Variants in STK32B observed in about 807,000 individuals in gnomAD.
The protein encoded by STK32B is serine/threonine-protein kinase 32B.
STK32B carries 43 observed loss-of-function variants against 52.6 expected under a neutral mutation model. The observed-to-expected ratio is 0.82, with a 90% CI of 0.64 to 1.05. The LOEUF (loss-of-function observed/expected upper bound fraction) is 1.05. Among genes scored for constraint, STK32B ranks in the 50% least tolerant of loss-of-function variants. The pLI is 0.00. For synonymous variants in STK32B, 238 were observed against 204.3 expected (o/e 1.17, Z -1.41); for missense variants, 621 against 534.6 (o/e 1.16, Z -1.59).
intron 3 of STK32B, among the ~76,000 whole-genome samples, chr4:5,265,170 C>G (rs954360877): frequency 6.6e-6 from 1 of 152,180 alleles, no homozygotes; most frequent in Non-Finnish European, 1.5e-5. Context: ...GTCAGAAAAT[C>G]TTTTCCTAAT....
chr4:5,027,236 G>T, the STK32B span, among the ~76,000 whole-genome samples: 1 of 152,216 alleles, frequency 6.6e-6, no homozygotes, highest in Admixed American at 6.5e-5. Context: ...CAGAGTGAAG[G>T]AATGAACACA....
At chr4:5,320,020 C>T (rs1200535386) in intron 3 of STK32B, among the ~76,000 whole-genome samples, 1 of 152,154 alleles carries the variant, frequency 6.6e-6, no homozygotes, top group East Asian at 1.9e-4. Flanking sequence ...AGATTTCTAG[C>T]CTTTGCATTT....
chr4:5,251,289 ATCT>A (rs1474979861), intron 3 of STK32B, among the ~76,000 whole-genome samples: 2 of 152,098 alleles, frequency 1.3e-5, no homozygotes, highest in Non-Finnish European at 2.9e-5. Context: ...TCCAGTTTTA[ATCT>A]TCTGCATGTG....
At chr4:5,416,245 C>A (rs1712150881) in intron 5 of STK32B, among the ~76,000 whole-genome samples, 1 of 152,094 alleles carries the variant, frequency 6.6e-6, no homozygotes, top group Admixed American at 6.6e-5. Flanking sequence ...AGTTTCCTTC[C>A]CTTCTTCTCT....
intron 3 of STK32B, among the ~76,000 whole-genome samples, chr4:5,232,238 A>G (rs1395620192): frequency 6.6e-6 from 1 of 152,234 alleles, no homozygotes; most frequent in Non-Finnish European, 1.5e-5. Context: ...ATTAGATAAC[A>G]TTATTGAAAT....
At chr4:5,436,596 G>A in intron 6 of STK32B, 1 of 985,374 alleles carries the variant, frequency 1.0e-6, no homozygotes, top group African/African-American at 1.7e-5. Flanking sequence ...TGCTCCTAGG[G>A]GACTAGAAGG....
At chr4:5,430,790 C>T (rs1713513195) in intron 6 of STK32B, among the ~76,000 whole-genome samples, 1 of 152,122 alleles carries the variant, frequency 6.6e-6, no homozygotes, top group African/African-American at 2.4e-5. Context: ...TTCAAAATAC[C>T]AGCTTTAGAG....
At chr4:5,480,454 G>A (rs371309879) in intron 11 of STK32B, among the ~76,000 whole-genome samples, 42 of 152,250 alleles carry the variant, frequency 2.8e-4, no homozygotes, top group African/African-American at 1.0e-3. Context: ...CAGGGTTGGT[G>A]GGGGAGCTTT....
At chr4:5,436,908 T>G (rs1714134424) in intron 6 of STK32B, among the ~76,000 whole-genome samples, 1 of 152,206 alleles carries the variant, frequency 6.6e-6, no homozygotes, top group Non-Finnish European at 1.5e-5. Flanking sequence ...CATCTCGAGA[T>G]GCTGTGAGCT....
intron 1 of STK32B, among the ~76,000 whole-genome samples, chr4:5,062,547 C>CAGCACTTG (rs1742256845): frequency 6.6e-6 from 1 of 152,086 alleles, no homozygotes; most frequent in African/African-American, 2.4e-5. Context: ...TGCACTGTCG[C>CAGCACTTG]CCAGGCTGGA....
At chr4:5,239,344 G>A (rs987286535) in intron 3 of STK32B, among the ~76,000 whole-genome samples, 3 of 152,162 alleles carry the variant, frequency 2.0e-5, no homozygotes, top group African/African-American at 7.2e-5. Context: ...TCTAGGGGAA[G>A]CCAAGCAGTC....
At chr4:5,148,260 A>G (rs1205838336) in intron 2 of STK32B, among the ~76,000 whole-genome samples, 2 of 151,594 alleles carry the variant, frequency 1.3e-5, no homozygotes, top group Non-Finnish European at 1.5e-5. Flanking sequence ...TTCATTTCTG[A>G]TATTAGCAGT....
At chr4:5,072,207 TTTG>T (rs1242109783) in intron 1 of STK32B, among the ~76,000 whole-genome samples, 1 of 152,182 alleles carries the variant, frequency 6.6e-6, no homozygotes, top group East Asian at 1.9e-4. Flanking sequence ...CAACTCTGTC[TTTG>T]TTGTTGTTGT....
Position 5,456,833 on chromosome 4 carries a change from G to A in STK32B, c.693G>A (p.Thr231=), listed in dbSNP as rs1253398023. Residue 231 remains threonine (T), a synonymous_variant, in exon 8 of 12, where the codon ACG becomes ACA. Transcript: ENST00000282908. ...GWRPYEIHSV[T]PIDEILNMFK... ...GGCCGTACGAAATCCACTCGGTCAC[G>A]CCCATCGATGAAATCCTCAACATGT... The A allele has an allele frequency of 1.9e-5, 30 of 1,595,212 alleles. 1 individual carries two copies. Among genetic ancestry groups the A allele is most frequent in the Middle Eastern group, 1.7e-4 (1 of 6,020 alleles).
In STK32B at chr4:5,399,446, T is replaced by C. The variant is rs1223292265; in HGVS notation, c.472+1202T>C. The stretch of plus-strand genomic sequence containing the variant: ...TACAGGAGTGGTGGATGGGACCATT[T>C]GCATCTCTGCATCAGATGCTGGAAC... On this transcript the variant is annotated intron_variant, in intron 5 of 11. Transcript: ENST00000282908. The surrounding 1 kb of genome is among the most constrained non-coding windows in gnomAD (Gnocchi z 5.4). 6.6e-6 allele frequency among the ~76,000 whole-genome samples: 1 copy of C among 152,146 alleles called. No individual in the cohort carries two copies. The highest frequency in any genetic ancestry group is 1.5e-5 in the Non-Finnish European group (1 of 68,022).
chr4:5,165,259 A>G (rs1718779269), intron 2 of STK32B, among the ~76,000 whole-genome samples: 2 of 152,168 alleles, frequency 1.3e-5, no homozygotes, highest in South Asian at 4.1e-4. Flanking sequence ...TCCAGGCTGC[A>G]TCCAATATCC....
intron 1 of STK32B, among the ~76,000 whole-genome samples, chr4:5,066,298 C>G (rs1005151237): frequency 3.9e-4 from 59 of 152,242 alleles, no homozygotes; most frequent in African/African-American, 1.4e-3. Flanking sequence ...AAATAGCTCA[C>G]AAATCTGCCT....
At chr4:5,363,553 T>A (rs1734683684) in intron 4 of STK32B, among the ~76,000 whole-genome samples, 1 of 151,946 alleles carries the variant, frequency 6.6e-6, no homozygotes. Context: ...CTGACATTGC[T>A]TTTTTTTAGA....
At chr4:5,333,428 G>T (rs1330501931) in intron 4 of STK32B, among the ~76,000 whole-genome samples, 4 of 152,110 alleles carry the variant, frequency 2.6e-5, no homozygotes. Flanking sequence ...TTTGTAGGTT[G>T]CCTGTTCACT....
Sources: gnomAD v4.1 joint callset for allele counts (sites outside exome capture counted in the v4.1 genomes callset) on GRCh38, gnomAD v4.1.1 for gene constraint, Gnocchi (gnomAD v3.1) non-coding constraint, MANE v1.5 for transcripts, NCBI Gene and HGNC (gene_info 2026-07-23, HGNC 2026-07-21) for gene names.